Variants in ZFP14 observed in about 807,000 individuals in gnomAD.
ZFP14 encodes the protein zinc finger protein 14 homolog.
In ZFP14, 22 loss-of-function variants were observed where a neutral mutation model predicts 54.5. The ratio of observed to expected loss-of-function variants is 0.40; its 90% CI spans 0.29 to 0.58. ZFP14 has a LOEUF of 0.58. ZFP14 is among the 20% of genes least tolerant of loss of function. The pLI is 0.39. For missense variants in ZFP14, 470 were observed against 637.8 expected, an observed-to-expected ratio of 0.74 and a Z score of 2.83; for synonymous variants, 159 against 204.0, an observed-to-expected ratio of 0.78 and a Z score of 1.88.
At chr19:36,363,101 T>C (rs1170391609) in intron 2 of ZFP14, among the ~76,000 whole-genome samples, 1 of 152,126 alleles carries the variant, frequency 6.6e-6, no homozygotes, top group Non-Finnish European at 1.5e-5. Context: ...AACATTGTTT[T>C]TTTGTTCCTG....
intron 1 of ZFP14, among the ~76,000 whole-genome samples, chr19:36,377,709 G>A (rs1324578063): frequency 1.3e-5 from 2 of 152,066 alleles, no homozygotes; most frequent in Non-Finnish European, 2.9e-5. Flanking sequence ...GGCCGGGTGC[G>A]GTGGCTCATC....
chr19:36,371,677 C>A (rs1172565360), intron 1 of ZFP14, among the ~76,000 whole-genome samples: 1 of 152,002 alleles, frequency 6.6e-6, no homozygotes, highest in African/African-American at 2.4e-5. Flanking sequence ...AAAGAAATAA[C>A]AGCAGGCACA....
In ZFP14 at chr19:36,336,904, C is replaced by T. The variant is rs1417768492; in HGVS notation, c.*3320G>A. The T allele has an allele frequency of 6.6e-6, 1 of 152,158 alleles. No homozygotes were observed. Among genetic ancestry groups the T allele is most frequent in the Non-Finnish European group, 1.5e-5 (1 of 68,036 alleles). The allele number at this position is 152,158 out of a possible 1,614,324, so 9.4% of individuals were successfully genotyped here. ...ATAAGTCTCCATGAACAAAACACTC[C>T]ACTTAAATTATCAACATGTTGCCAA... On this transcript the variant is annotated 3_prime_UTR_variant, in exon 5 of 5. Coordinates refer to ENST00000270001, the MANE Select transcript of ZFP14 (RefSeq NM_020917.3).
intron 2 of ZFP14, among the ~76,000 whole-genome samples, chr19:36,363,176 A>ATTCTT (rs200408871): frequency 0.02 from 2,591 of 131,796 alleles, 101 homozygotes; most frequent in African/African-American, 0.048. Context: ...TATCAATCAT[A>ATTCTT]TTCTTTTCTT....
chr19:36,374,917 T>C (rs2031936786), intron 1 of ZFP14, among the ~76,000 whole-genome samples: 1 of 152,104 alleles, frequency 6.6e-6, no homozygotes, highest in Non-Finnish European at 1.5e-5. Context: ...CTAAGGATAC[T>C]GTAAAAACAG....
intron 4 of ZFP14, among the ~76,000 whole-genome samples, chr19:36,348,928 A>T (rs944349984): frequency 7.2e-5 from 11 of 152,036 alleles, no homozygotes; most frequent in African/African-American, 2.4e-4. Flanking sequence ...GGAAAATTCT[A>T]TTCAACAAGA....
chr19:36,367,807 C>G, intron 2 of ZFP14, 77 bp downstream of exon 2: 2 of 1,517,782 alleles, frequency 1.3e-6, no homozygotes, highest in Middle Eastern at 1.8e-4. Context: ...CAGGAAGTTT[C>G]AGAATAAAGA....
intron 4 of ZFP14, among the ~76,000 whole-genome samples, chr19:36,342,518 AAC>A (rs2031339278): frequency 6.6e-6 from 1 of 152,120 alleles, no homozygotes; most frequent in African/African-American, 2.4e-5. Context: ...GTAGAACACT[AAC>A]AAATAAAATA....
Position 36,334,512 on chromosome 19 carries a change from TTAATA to T in ZFP14, c.*5707_*5711del, listed in dbSNP as rs1279329485. Reference sequence around the variant, plus strand: ...ACTCATTTATGTCCTTAATCATTGTTTAATATAATATATAAGCATGTTTAACACAA... The same window carrying T: ...ACTCATTTATGTCCTTAATCATTGTTTAATATATAAGCATGTTTAACACAA... On this transcript the variant is annotated 3_prime_UTR_variant, in exon 5 of 5. Coordinates refer to ENST00000270001, the MANE Select transcript of ZFP14 (RefSeq NM_020917.3). The T allele has an allele frequency of 1.3e-5, 2 of 152,252 alleles. No homozygotes were observed. The highest frequency in any genetic ancestry group is 4.8e-5 in the African/African-American group (2 of 41,468). The allele number at this position is 152,252 out of a possible 1,614,324, so 9.4% of individuals were successfully genotyped here.
At chr19:36,361,627 T>C (rs1600079609) in intron 3 of ZFP14, among the ~76,000 whole-genome samples, 1 of 151,486 alleles carries the variant, frequency 6.6e-6, no homozygotes, top group South Asian at 2.1e-4. Context: ...CTCCGCCTCC[T>C]GGGTTTAAGT....
At chr19:36,350,789 C>G (rs1372557113) in intron 4 of ZFP14, among the ~76,000 whole-genome samples, 1 of 141,628 alleles carries the variant, frequency 7.1e-6, no homozygotes, top group Non-Finnish European at 1.6e-5. Flanking sequence ...GGAAAAAATA[C>G]CTCTAAAACA....
At chr19:36,349,245 A>AC (rs1568467125) in intron 4 of ZFP14, among the ~76,000 whole-genome samples, 2 of 89,598 alleles carry the variant, frequency 2.2e-5, no homozygotes, top group South Asian at 3.2e-4. Flanking sequence ...AAAAAAAACA[A>AC]AAAAAAAAAA....
At chr19:36,374,856 GA>G (rs1222640859) in intron 1 of ZFP14, among the ~76,000 whole-genome samples, 1 of 152,086 alleles carries the variant, frequency 6.6e-6, no homozygotes, top group Non-Finnish European at 1.5e-5. Context: ...CTTCAAATAA[GA>G]CTTTCCCGGC....
At chr19:36,360,255 G>A (rs778461573) in intron 4 of ZFP14, 180 bp downstream of exon 4, 1 of 395,196 alleles carries the variant, frequency 2.5e-6, no homozygotes, top group Non-Finnish European at 4.5e-6. Context: ...TCAATAGAAA[G>A]TTCCTTTGCT....
At chr19:36,349,429 C>G (rs1351402104) in intron 4 of ZFP14, among the ~76,000 whole-genome samples, 1 of 151,260 alleles carries the variant, frequency 6.6e-6, no homozygotes, top group Non-Finnish European at 1.5e-5. Flanking sequence ...CTCTGGGAGG[C>G]TGAGGTGGGT....
chr19:36,340,281 C>T lies in ZFP14; in HGVS notation c.1545G>A (p.Lys515=), dbSNP rs763922812. 6.2e-7 allele frequency: 1 copy of T among 1,612,894 alleles called. No individual in the cohort carries two copies. Among genetic ancestry groups the T allele is most frequent in the Non-Finnish European group, 8.5e-7 (1 of 1,179,580 alleles). The change falls in exon 5 of 5, where the codon AAG becomes AAA. Residue 515 remains lysine, a synonymous_variant. Transcript: ENST00000270001. This position sits in a 1 kb window ranked among gnomAD's most constrained non-coding sequence, Gnocchi z 5.4. ...TAAGGTGTGAATGCTGTCTAAAGGC[C>T]TTCTTACACTCCTTACACTTGTAGG... ...EKPYKCKECK[K]AFRQHSHLTQ... is the part of the protein sequence containing the mutation.
At chr19:36,363,189 C>CTTTTTTTTTTT (rs772799449) in intron 2 of ZFP14, among the ~76,000 whole-genome samples, 111 of 97,742 alleles carry the variant, frequency 1.1e-3, no homozygotes, top group Non-Finnish European at 1.5e-3. Flanking sequence ...CTTTTCTTTT[C>CTTTTTTTTTTT]TTTTTTTTTT....
At chr19:36,343,127 G>A (rs2031352731) in intron 4 of ZFP14, among the ~76,000 whole-genome samples, 1 of 152,166 alleles carries the variant, frequency 6.6e-6, no homozygotes. Flanking sequence ...AAACTATGCA[G>A]AGGTGTTTTT....
intron 2 of ZFP14, among the ~76,000 whole-genome samples, chr19:36,363,320 A>G (rs2031740639): frequency 6.7e-6 from 1 of 150,354 alleles, no homozygotes; most frequent in African/African-American, 2.4e-5. Context: ...CAGCCTCCCA[A>G]GTAGCTGGGA....
Sources: gnomAD v4.1 joint callset for allele counts (sites outside exome capture counted in the v4.1 genomes callset) on GRCh38, gnomAD v4.1.1 for gene constraint, Gnocchi (gnomAD v3.1) non-coding constraint, MANE v1.5 for transcripts, NCBI Gene and HGNC (gene_info 2026-07-23, HGNC 2026-07-21) for gene names.